Variants in PPHLN1 observed in about 807,000 individuals in gnomAD.
PPHLN1 encodes periphilin 1, also known as periphilin-1.
PPHLN1 carries 29 observed loss-of-function variants against 51.3 expected under a neutral mutation model. The observed-to-expected ratio is 0.57, with a 90% confidence interval of 0.42 to 0.77. The LOEUF (loss-of-function observed/expected upper bound fraction) is 0.77, where lower values mean the gene tolerates loss of function less well. Among genes scored for constraint, PPHLN1 ranks in the 30% least tolerant of loss-of-function variants. The probability of loss-of-function intolerance (pLI) is 0.00; values close to 1 mark genes in which losing one functional copy is unlikely to be tolerated. For synonymous variants in PPHLN1, 147 were observed against 147.8 expected, an observed-to-expected ratio of 0.99 and a Z score of 0.04; for missense variants, 436 against 438.4, an observed-to-expected ratio of 0.99 and a Z score of 0.05.
chr12:42,417,618 A>T, intron 9 of PPHLN1, among the ~76,000 whole-genome samples: 1 of 152,134 alleles, frequency 6.6e-6, no homozygotes, highest in Non-Finnish European at 1.5e-5. Context: ...GGCAAACCGG[A>T]TTATTTATCC....
At chr12:42,354,172 C>T (rs957080236) in intron 3 of PPHLN1, among the ~76,000 whole-genome samples, 21 of 151,996 alleles carry the variant, frequency 1.4e-4, no homozygotes, top group African/African-American at 4.6e-4. Flanking sequence ...TAGACGAATC[C>T]GTTTTCCTGA....
At chr12:42,414,035 TTTTA>T (rs1456603841) in intron 9 of PPHLN1, among the ~76,000 whole-genome samples, 1 of 150,404 alleles carries the variant, frequency 6.6e-6, no homozygotes, top group Non-Finnish European at 1.5e-5. Flanking sequence ...TTTATTATTA[TTTTA>T]TTTATTTATT....
chr12:42,384,928 A>C lies in PPHLN1; in HGVS notation c.512-12A>C. 5 of 1,601,018 alleles carry C rather than the reference A, an allele frequency of 3.1e-6. No homozygotes were observed. The highest frequency in any genetic ancestry group is 4.3e-6 in the Non-Finnish European group (5 of 1,168,188). On this transcript the variant is annotated splice_polypyrimidine_tract_variant and intron_variant, in intron 5 of 9. Coordinates refer to ENST00000358314, the MANE Select transcript of PPHLN1 (RefSeq NM_201439.2). ...TGCTGCTGTTAATTCCTCCCTGCCC[A>C]CCTTTCCATAGAGTCCGTGCGTCCT...
intron 9 of PPHLN1, among the ~76,000 whole-genome samples, chr12:42,416,403 T>C (rs1451956455): frequency 6.6e-6 from 1 of 152,096 alleles, no homozygotes; most frequent in Non-Finnish European, 1.5e-5. Flanking sequence ...AATTCTGGCA[T>C]TAACCACCTG....
chr12:42,352,557 G>A (rs1269146581), intron 3 of PPHLN1, among the ~76,000 whole-genome samples: 1 of 151,448 alleles, frequency 6.6e-6, no homozygotes, highest in African/African-American at 2.4e-5. Context: ...TTACAGGCAC[G>A]TGCCACCGTG....
chr12:42,419,683 T>C (rs1311941828), intron 9 of PPHLN1, among the ~76,000 whole-genome samples: 2 of 152,366 alleles, frequency 1.3e-5, no homozygotes, highest in Non-Finnish European at 2.9e-5. Flanking sequence ...TTGGTCATTT[T>C]TGGCCTAAAT....
At chr12:42,392,288 C>T (rs527614842) in intron 7 of PPHLN1, among the ~76,000 whole-genome samples, 2 of 152,256 alleles carry the variant, frequency 1.3e-5, no homozygotes, top group Non-Finnish European at 2.9e-5. Context: ...AGCAGGTCAC[C>T]ATCATTCAGT....
intron 3 of PPHLN1, 74 bp from the exon 4 acceptor site, chr12:42,355,087 G>T (rs553683905): frequency 1.5e-6 from 2 of 1,350,416 alleles, no homozygotes; most frequent in South Asian, 2.4e-5. Flanking sequence ...CTAGTTTCTG[G>T]TAGTATTGTT....
At chr12:42,337,617 G>A (rs1255655012) in intron 2 of PPHLN1, among the ~76,000 whole-genome samples, 6 of 149,604 alleles carry the variant, frequency 4.0e-5, no homozygotes, top group Non-Finnish European at 7.4e-5. Context: ...TTTTGAGGCA[G>A]TCTTACTCTG....
intron 1 of PPHLN1, among the ~76,000 whole-genome samples, chr12:42,333,899 C>G (rs1422033406): frequency 6.6e-6 from 1 of 152,102 alleles, no homozygotes; most frequent in Non-Finnish European, 1.5e-5. Context: ...TTTTCATCTT[C>G]TTTATTTTGA....
chr12:42,392,224 C>T (rs564614875), intron 7 of PPHLN1, among the ~76,000 whole-genome samples: 1 of 151,982 alleles, frequency 6.6e-6, no homozygotes, highest in South Asian at 2.1e-4. Context: ...CCCCCTCGCC[C>T]CTCCCAAAAA....
chr12:42,429,282 T>C (rs185071700), intron 9 of PPHLN1, among the ~76,000 whole-genome samples: 2 of 152,340 alleles, frequency 1.3e-5, no homozygotes, highest in East Asian at 3.9e-4. Flanking sequence ...CAACAGTCTT[T>C]AGTTGTTTGT....
chr12:42,338,361 T>C (rs1349736775), intron 2 of PPHLN1, among the ~76,000 whole-genome samples: 1 of 152,186 alleles, frequency 6.6e-6, no homozygotes, highest in Non-Finnish European at 1.5e-5. Flanking sequence ...GGTTATTGTA[T>C]CGATTTAAGA....
intron 9 of PPHLN1, among the ~76,000 whole-genome samples, chr12:42,417,920 GTTTTTT>G (rs542371198): frequency 2.0e-5 from 2 of 102,380 alleles, no homozygotes; most frequent in East Asian, 6.0e-4. Flanking sequence ...AAAAGCCCTA[GTTTTTT>G]TTTTTGTTTT....
At chr12:42,385,459 C>T (rs778570658) in intron 6 of PPHLN1, among the ~76,000 whole-genome samples, 4 of 152,146 alleles carry the variant, frequency 2.6e-5, no homozygotes, top group African/African-American at 7.2e-5. Context: ...TGGTTGATAA[C>T]GACTTAAATT....
rs568755164 is a variant in PPHLN1 at position 42,374,943 on chromosome 12, A to G, written c.380A>G (p.Asn127Ser). 6 of 1,614,008 alleles carry G rather than the reference A, an allele frequency of 3.7e-6. No homozygotes were observed. The highest frequency in any genetic ancestry group is 1.3e-5 in the African/African-American group (1 of 75,014). Residue 127 changes from asparagine to serine, a missense_variant, in exon 5 of 10, where the codon AAT becomes AGT. Transcript: ENST00000358314. Reference protein sequence around the residue: ...ARERSPYKRDNTFFRESPVGR... With the variant: ...ARERSPYKRDSTFFRESPVGR... ...GAGCGGTCTCCTTATAAAAGGGACA[A>G]TACTTTTTTCAGAGAATCACCTGTT...
intron 9 of PPHLN1, among the ~76,000 whole-genome samples, chr12:42,404,690 C>G (rs1008572258): frequency 1.1e-4 from 16 of 152,148 alleles, no homozygotes; most frequent in African/African-American, 3.6e-4. Flanking sequence ...TTCCCCACCT[C>G]CTTCCTAATT....
At chr12:42,353,864 G>GT (rs2073711153) in intron 3 of PPHLN1, among the ~76,000 whole-genome samples, 2 of 152,068 alleles carry the variant, frequency 1.3e-5, no homozygotes, top group African/African-American at 4.8e-5. Flanking sequence ...TTCAATGGCA[G>GT]TTTTTTCTAA....
chr12:42,362,145 G>A (rs2074763702), intron 4 of PPHLN1, among the ~76,000 whole-genome samples: 1 of 152,078 alleles, frequency 6.6e-6, no homozygotes, highest in African/African-American at 2.4e-5. Flanking sequence ...ATGACTAGTG[G>A]TGATGAACAT....
Sources: gnomAD v4.1 joint callset for allele counts (sites outside exome capture counted in the v4.1 genomes callset) on GRCh38, gnomAD v4.1.1 for gene constraint, MANE v1.5 for transcripts, NCBI Gene and HGNC (gene_info 2026-07-23, HGNC 2026-07-21) for gene names.